ZNF551: variants seen among roughly 807,000 people sequenced by gnomAD.
ZNF551 encodes zinc finger protein 551.
A neutral mutation model predicts 7.9 loss-of-function variants in ZNF551; 5 were observed. That is an observed-to-expected ratio of 0.63 (90% CI 0.33 to 1.33). The LOEUF is 1.33. ZNF551 is among the 40% of genes most tolerant of loss of function. ZNF551 has a pLI of 0.05. For synonymous variants in ZNF551, 287 were observed against 277.3 expected, an observed-to-expected ratio of 1.03 and a Z score of -0.35; for missense variants, 788 against 825.2, an observed-to-expected ratio of 0.95 and a Z score of 0.55.
chr19:57,690,402 C>T lies in ZNF551; in HGVS notation c.*2114C>T, dbSNP rs995374494. 24 of 147,168 alleles carry T rather than the reference C, an allele frequency of 1.6e-4. 1 individual carries two copies. The highest frequency in any genetic ancestry group is 6.4e-4 in the South Asian group (3 of 4,680). 9.1% of individuals were successfully genotyped at this position (147,168 alleles called of 1,614,324 possible). On this transcript the variant is annotated 3_prime_UTR_variant, in exon 3 of 3. Coordinates refer to ENST00000282296, the MANE Select transcript of ZNF551 (RefSeq NM_138347.5). The stretch of plus-strand genomic sequence containing the variant: ...ACACACACACACACACACACACACA[C>T]GTATACGCATATACGTATACGTATA...
chr19:57,684,319 G>C (rs187894976), intron 1 of ZNF551, among the ~76,000 whole-genome samples: 2 of 152,310 alleles, frequency 1.3e-5, no homozygotes, highest in East Asian at 3.9e-4. Context: ...GAGGCAGGAA[G>C]TAAGCTGTGG....
At position 57,687,649 on chromosome 19, in the gene ZNF551, A is replaced by G. The variant is rs200826536; in HGVS notation, c.1374A>G (p.Gln458=). 1.4e-5 allele frequency: 23 copies of G among 1,613,748 alleles called. No individual in the cohort carries two copies. The highest frequency in any genetic ancestry group is 2.2e-5 in the East Asian group (1 of 44,816). Reference sequence around the variant, plus strand: ...GAGAATGTGGGAAATCCTTTAGACAATTCTCTAACCTCATTCGACACCGCA... The same window carrying G: ...GAGAATGTGGGAAATCCTTTAGACAGTTCTCTAACCTCATTCGACACCGCA... The part of the protein sequence containing the change: ...ECRECGKSFR[Q]FSNLIRHRSI... The change falls in exon 3 of 3, where the codon CAA becomes CAG. Residue 458 remains glutamine, a synonymous_variant. Coordinates refer to ENST00000282296, the MANE Select transcript of ZNF551 (RefSeq NM_138347.5).
rs138627444 is a variant in ZNF551, at chr19:57,686,864, G to A, written c.589G>A (p.Glu197Lys). The A allele has an allele frequency of 2.9e-5, 47 of 1,613,988 alleles. No individual in the cohort carries two copies. Among genetic ancestry groups the A allele is most frequent in the African/African-American group, 2.5e-4 (19 of 74,902 alleles). Residue 197 changes from glutamate (E) to lysine (K), a missense_variant, in exon 3 of 3, where the codon GAA becomes AAA. Transcript: ENST00000282296. ...AGCCCCCACGGACCTACTCCAACAC[G>A]AAGCCACTCCCAGTGGTGAGGAGCC... ...FPAPTDLLQH[E>K]ATPSGEEPHS...
rs1182334656 is a variant in ZNF551, at chr19:57,686,834, T to C, written c.559T>C (p.Phe187Leu). The C allele has an allele frequency of 1.2e-6, 2 of 1,614,180 alleles. No individual in the cohort carries two copies. The highest frequency in any genetic ancestry group is 1.7e-6 in the Non-Finnish European group (2 of 1,180,018). Residue 187 changes from phenylalanine (F) to leucine (L), a missense_variant, in exon 3 of 3, where the codon TTC becomes CTC. Coordinates refer to ENST00000282296, the MANE Select transcript of ZNF551 (RefSeq NM_138347.5). ...GAATTATTTCACCTGTGGGGAGGCC[T>C]TCCCAGCCCCCACGGACCTACTCCA... ...VLNYFTCGEA[F>L]PAPTDLLQHE... is the part of the protein sequence containing the mutation.
rs931958666 is a variant in ZNF551 at position 57,688,189 on chromosome 19, T to G, written c.1914T>G (p.Thr638=). ...SDLIQHQRVH[T]GERPYECSEC... is the part of the protein sequence containing the mutation. ...TTATTCAGCACCAAAGAGTTCACAC[T>G]GGAGAAAGGCCTTATGAATGCAGTG... The change falls in exon 3 of 3, where the codon ACT becomes ACG. Residue 638 remains threonine (T), a synonymous_variant. Transcript: ENST00000282296. 1.9e-6 allele frequency: 3 copies of G among 1,614,118 alleles called. No individual in the cohort carries two copies. In the African/African-American group the frequency reaches 4.0e-5, roughly 22 times the overall value.
rs1984696751 is a variant in ZNF551, at chr19:57,689,491, G to A, written c.*1203G>A. On this transcript the variant is annotated 3_prime_UTR_variant, in exon 3 of 3. Transcript: ENST00000282296. Reference sequence around the variant, plus strand: ...CATACAGAAATTCTCAGGATCTTCTGTTTACTATCGCTGAGATCATTATCA... The same window carrying A: ...CATACAGAAATTCTCAGGATCTTCTATTTACTATCGCTGAGATCATTATCA... 6.6e-6 allele frequency: 1 copy of A among 152,166 alleles called. No homozygotes were observed. Among genetic ancestry groups the A allele is most frequent in the Admixed American group, 6.5e-5 (1 of 15,278 alleles). The allele number at this position is 152,166 out of a possible 1,614,324, so 9.4% of individuals were successfully genotyped here.
At chr19:57,686,430 C>G in intron 2 of ZNF551, 51 bp from the exon 3 acceptor site, 1 of 1,577,818 alleles carries the variant, frequency 6.3e-7, no homozygotes, top group Non-Finnish European at 8.6e-7. Context: ...ATACATCTTT[C>G]TCCTTCCATG....
intron 2 of ZNF551, among the ~76,000 whole-genome samples, chr19:57,685,979 T>G (rs1292304151): frequency 6.6e-6 from 1 of 152,258 alleles, no homozygotes; most frequent in Non-Finnish European, 1.5e-5. Context: ...TGTTGTTTCA[T>G]CTGTCACTTC....
rs1002155662 is a variant in ZNF551, at chr19:57,685,200, G to T, written c.82-62G>T. ...ATAGGGTGACCTGGGGATGGATGTT[G>T]GGGGCAAGAGGATAATGAACTCCGG... On this transcript the variant is annotated intron_variant, in intron 1 of 2. Coordinates refer to ENST00000282296, the MANE Select transcript of ZNF551 (RefSeq NM_138347.5). 9 of 1,592,124 alleles carry T rather than the reference G, an allele frequency of 5.7e-6. No homozygotes were observed. In the African/African-American group the frequency reaches 1.1e-4, roughly 19 times the overall value.
chr19:57,682,473 C>T (rs879576271), intron 1 of ZNF551, among the ~76,000 whole-genome samples: 4 of 152,112 alleles, frequency 2.6e-5, no homozygotes, highest in African/African-American at 2.4e-5. Flanking sequence ...GATTCAGGAG[C>T]CTGGGGTCCG....
At position 57,682,259 on chromosome 19, in the gene ZNF551, C is replaced by T; in HGVS notation, c.81+15C>T. 1.3e-6 allele frequency: 2 copies of T among 1,549,072 alleles called. No individual in the cohort carries two copies. The highest frequency in any genetic ancestry group is 1.2e-5 in the South Asian group (1 of 83,956). Reference sequence around the variant, plus strand: ...ACTCGGCTCAGGTGAGTTGTGCGTCCTCCGGGTCTCGCCTACCTCCCCCAG... The same window carrying T: ...ACTCGGCTCAGGTGAGTTGTGCGTCTTCCGGGTCTCGCCTACCTCCCCCAG... On this transcript the variant is annotated intron_variant, in intron 1 of 2. Transcript: ENST00000282296.
intron 1 of ZNF551, among the ~76,000 whole-genome samples, chr19:57,683,900 C>G (rs1600016647): frequency 6.6e-6 from 1 of 152,056 alleles, no homozygotes; most frequent in Non-Finnish European, 1.5e-5. Context: ...TTTATATTAA[C>G]TCTTGGTGGG....
chr19:57,684,497 A>G (rs1007261336), intron 1 of ZNF551, among the ~76,000 whole-genome samples: 2 of 152,132 alleles, frequency 1.3e-5, no homozygotes, highest in Non-Finnish European at 2.9e-5. Context: ...GAGTTTCCTT[A>G]CAAGAGAGTA....
rs1172938776 is a variant in ZNF551 at position 57,685,268 on chromosome 19, A to G, written c.88A>G (p.Thr30Ala). The change falls in exon 2 of 3, where the codon ACC becomes GCC. Residue 30 changes from threonine (T) to alanine (A), a missense_variant. Thr to Ala is a moderately conservative substitution (Grantham distance 58). Coordinates refer to ENST00000282296, the MANE Select transcript of ZNF551 (RefSeq NM_138347.5). ...VALRDSAQGM[T>A]FEDVAIYFSQ... ...ACTATTCCTGCTGTGACAGGGTATG[A>G]CCTTTGAGGATGTGGCCATTTATTT... 2 of 1,614,032 alleles carry G rather than the reference A, an allele frequency of 1.2e-6. No homozygotes were observed. Among genetic ancestry groups the G allele is most frequent in the Non-Finnish European group, 1.7e-6 (2 of 1,179,942 alleles).
chr19:57,687,659 CTCAT>C lies in ZNF551; in HGVS notation c.1387_1390del (p.Ile463AspfsTer27). 2 of 1,614,148 alleles carry C rather than the reference CTCAT, an allele frequency of 1.2e-6. No individual in the cohort carries two copies. Among genetic ancestry groups the C allele is most frequent in the South Asian group, 1.1e-5 (1 of 91,074 alleles). On this transcript the variant is annotated frameshift_variant, in exon 3 of 3. Transcript: ENST00000282296. LOFTEE classifies it low-confidence loss of function (END_TRUNC). ...GAAATCCTTTAGACAATTCTCTAACCTCATTCGACACCGCAGCATTCACACTGGT... is the reference window on the plus strand; with the variant it reads ...GAAATCCTTTAGACAATTCTCTAACCTCGACACCGCAGCATTCACACTGGT...
In ZNF551 at chr19:57,688,092, A is replaced by C; in HGVS notation, c.1817A>C (p.Gln606Pro). ...FSQSSSLIQH[Q>P]RGHTGERPYE... ...CAGAGCTCTAGCCTCATTCAACACC[A>C]GAGAGGTCACACTGGAGAAAGACCT... The change falls in exon 3 of 3, where the codon CAG (glutamine) becomes CCG (proline). Residue 606 changes from glutamine (Q) to proline (P), a missense_variant. Gln to Pro is a moderately conservative substitution (Grantham distance 76). Transcript: ENST00000282296. 1 of 1,613,950 alleles carries C rather than the reference A, an allele frequency of 6.2e-7. No individual in the cohort carries two copies. The highest frequency in any genetic ancestry group is 8.5e-7 in the Non-Finnish European group (1 of 1,179,960).
intron 1 of ZNF551, among the ~76,000 whole-genome samples, chr19:57,683,271 G>A (rs1984448479): frequency 6.6e-6 from 1 of 152,218 alleles, no homozygotes; most frequent in South Asian, 2.1e-4. Context: ...GATGCGAGAA[G>A]CAGTTGGATT....
chr19:57,684,860 G>A (rs149379837), intron 1 of ZNF551, among the ~76,000 whole-genome samples: 339 of 152,278 alleles, frequency 2.2e-3, no homozygotes, highest in African/African-American at 7.1e-3. Flanking sequence ...GGGCCATATG[G>A]GTGAACGGGA....
At position 57,686,979 on chromosome 19, in the gene ZNF551, A is replaced by G. The variant is rs761377661; in HGVS notation, c.704A>G (p.Lys235Arg). The G allele has an allele frequency of 6.2e-7, 1 of 1,614,248 alleles. No individual in the cohort carries two copies. ...WGEYRKASSH[K>R]HTLVQHQSVC... ...GAATACAGAAAAGCTTCAAGCCACA[A>G]ACACACACTTGTTCAGCATCAGAGT... The change falls in exon 3 of 3, where the codon AAA (lysine) becomes AGA (arginine). Residue 235 changes from lysine to arginine, a missense_variant. Lys to Arg is a conservative substitution (Grantham distance 26, BLOSUM62 2). Coordinates refer to ENST00000282296, the MANE Select transcript of ZNF551 (RefSeq NM_138347.5).
Sources: gnomAD v4.1 joint callset for allele counts (sites outside exome capture counted in the v4.1 genomes callset) on GRCh38, gnomAD v4.1.1 for gene constraint, MANE v1.5 for transcripts, NCBI Gene and HGNC (gene_info 2026-07-23, HGNC 2026-07-21) for gene names.